The following INSL6 variants were observed in gnomAD, a reference collection of about 807,000 sequenced individuals.
The protein encoded by INSL6 is insulin like 6.
In INSL6, 16 loss-of-function variants were observed where a neutral mutation model predicts 9.4. The ratio of observed to expected loss-of-function variants is 1.70; its 90% CI spans 1.15 to 2.59. The LOEUF is 2.59. Among genes scored for constraint, INSL6 ranks in the 30% most tolerant of loss-of-function variants. The probability of loss-of-function intolerance (pLI) is 0.00; values close to 1 mark genes in which losing one functional copy is unlikely to be tolerated. For synonymous variants in INSL6, 154 were observed against 96.9 expected (o/e 1.59, Z -3.46); for missense variants, 391 against 257.3 (o/e 1.52, Z -3.56).
chr9:5,133,113 C>A (rs1824322670), intron 3 of INSL6, among the ~76,000 whole-genome samples: 1 of 151,930 alleles, frequency 6.6e-6, no homozygotes, highest in East Asian at 1.9e-4. Flanking sequence ...ATGAAAAAAT[C>A]ATATAAAGCA....
chr9:5,183,114 G>C (rs1011906401), intron 1 of INSL6, among the ~76,000 whole-genome samples: 1 of 152,096 alleles, frequency 6.6e-6, no homozygotes, highest in Non-Finnish European at 1.5e-5. Context: ...TAAAAATGAT[G>C]TCATAATTAT....
At chr9:5,049,629 C>A in the INSL6 span, among the ~76,000 whole-genome samples, 1 of 152,190 alleles carries the variant, frequency 6.6e-6, no homozygotes, top group Non-Finnish European at 1.5e-5. Flanking sequence ...TTCTGTTTCG[C>A]TTCTAAGCTA....
chr9:5,086,098 G>A, the INSL6 span: 11 of 555,730 alleles, frequency 2.0e-5, no homozygotes, highest in Non-Finnish European at 3.0e-5. Context: ...TTCTGCCTAT[G>A]AGCCTGCGCG....
the INSL6 span, among the ~76,000 whole-genome samples, chr9:5,052,599 T>C: frequency 6.6e-6 from 1 of 152,224 alleles, no homozygotes; most frequent in South Asian, 2.1e-4. Context: ...TTTAGAACAT[T>C]TGCATCCTTT....
the INSL6 span, among the ~76,000 whole-genome samples, chr9:5,004,360 T>A: frequency 6.6e-6 from 1 of 152,204 alleles, no homozygotes; most frequent in East Asian, 1.9e-4. Flanking sequence ...TTTTTTAGAT[T>A]CTATGGATCA....
chr9:5,114,200 G>A, the INSL6 span: 3 of 480,902 alleles, frequency 6.2e-6, no homozygotes, highest in South Asian at 1.8e-5. Context: ...GCACCTACCT[G>A]AGCCGGTCCA....
the INSL6 span, among the ~76,000 whole-genome samples, chr9:5,116,626 T>C: frequency 6.6e-6 from 1 of 152,190 alleles, no homozygotes; most frequent in Non-Finnish European, 1.5e-5. Context: ...TTATACTTAA[T>C]GAATACAAGC....
intron 2 of INSL6, among the ~76,000 whole-genome samples, chr9:5,140,308 C>T (rs2130886216): frequency 6.6e-6 from 1 of 152,202 alleles, no homozygotes; most frequent in Middle Eastern, 3.4e-3. Flanking sequence ...CTCCAAAAAG[C>T]AGCCACCATC....
chr9:5,019,253 T>C, the INSL6 span, among the ~76,000 whole-genome samples: 8 of 152,154 alleles, frequency 5.3e-5, no homozygotes, highest in Admixed American at 5.2e-4. Flanking sequence ...TCTTTTTTCT[T>C]TATTTTTGTC....
At chr9:5,065,574 G>A in the INSL6 span, among the ~76,000 whole-genome samples, 1 of 152,174 alleles carries the variant, frequency 6.6e-6, no homozygotes, top group Non-Finnish European at 1.5e-5. Context: ...TGTGGCTAAT[G>A]CAACCGAGGA....
the INSL6 span, among the ~76,000 whole-genome samples, chr9:5,057,568 G>T: frequency 1.4e-5 from 2 of 146,636 alleles, no homozygotes; most frequent in Non-Finnish European, 3.0e-5. Flanking sequence ...CTTGCAACCA[G>T]CATTCTACTT....
chr9:5,005,994 T>C, the INSL6 span, among the ~76,000 whole-genome samples: 1 of 152,212 alleles, frequency 6.6e-6, no homozygotes, highest in African/African-American at 2.4e-5. Context: ...TTTGGTTCCA[T>C]ATGAACTTTA....
chr9:5,112,564 G>A, the INSL6 span: 2 of 641,538 alleles, frequency 3.1e-6, no homozygotes, highest in Admixed American at 5.2e-5. Context: ...TAACGCCAGG[G>A]AGCGGCTGCG....
chr9:5,103,933 T>C, the INSL6 span, among the ~76,000 whole-genome samples: 1 of 151,978 alleles, frequency 6.6e-6, no homozygotes, highest in African/African-American at 2.4e-5. Flanking sequence ...TAGAGGGAAA[T>C]TTATAGCACT....
At chr9:5,101,215 C>T in the INSL6 span, among the ~76,000 whole-genome samples, 1 of 152,230 alleles carries the variant, frequency 6.6e-6, no homozygotes, top group African/African-American at 2.4e-5. Context: ...CCAAATGGCA[C>T]ACCAGGAGAT....
intron 2 of INSL6, among the ~76,000 whole-genome samples, chr9:5,143,699 G>A (rs974842717): frequency 1.4e-5 from 2 of 147,296 alleles, no homozygotes; most frequent in Admixed American, 1.4e-4. Flanking sequence ...TCACTCTGTT[G>A]CCCAGGCTGG....
chr9:5,031,865 C>T, the INSL6 span, among the ~76,000 whole-genome samples: 8 of 152,236 alleles, frequency 5.3e-5, no homozygotes, highest in African/African-American at 1.9e-4. Flanking sequence ...GCATTTCCAA[C>T]TGAGGTGTAC....
chr9:5,027,179 T>G, the INSL6 span, among the ~76,000 whole-genome samples: 1 of 152,182 alleles, frequency 6.6e-6, no homozygotes, highest in South Asian at 2.1e-4. Context: ...TGAAAGAGTC[T>G]CAGCAGTTAT....
At chr9:5,179,287 G>T (rs761291063) in intron 1 of INSL6, among the ~76,000 whole-genome samples, 1 of 152,150 alleles carries the variant, frequency 6.6e-6, no homozygotes, top group African/African-American at 2.4e-5. Flanking sequence ...TTAGAGAAAT[G>T]CAAATCAAGA....
Sources: gnomAD v4.1 joint callset for allele counts (sites outside exome capture counted in the v4.1 genomes callset) on GRCh38, gnomAD v4.1.1 for gene constraint, MANE v1.5 for transcripts, NCBI Gene and HGNC (gene_info 2026-07-23, HGNC 2026-07-21) for gene names.